Variants in PIAS1 observed in about 807,000 individuals in gnomAD.
PIAS1 encodes protein inhibitor of activated STAT 1.
In PIAS1, 6 loss-of-function variants were observed where a neutral mutation model predicts 71.3. The observed-to-expected ratio is 0.08, with a 90% confidence interval of 0.05 to 0.17. The LOEUF is 0.17. Ranked by LOEUF, PIAS1 falls within the 10% of genes least tolerant of loss-of-function variation. PIAS1 has a pLI of 1.00. For synonymous variants in PIAS1, 303 were observed against 292.9 expected (o/e 1.03, Z -0.35); for missense variants, 555 against 793.6 (o/e 0.70, Z 3.61).
At chr15:68,166,110 C>A (rs2092956349) in intron 8 of PIAS1, among the ~76,000 whole-genome samples, 1 of 152,020 alleles carries the variant, frequency 6.6e-6, no homozygotes, top group African/African-American at 2.4e-5. Flanking sequence ...GAAAAAAATA[C>A]AATGAAGTTA....
chr15:68,181,584 A>C (rs1325882972), intron 12 of PIAS1: 1 of 433,266 alleles, frequency 2.3e-6, no homozygotes, highest in Non-Finnish European at 4.2e-6. Flanking sequence ...CTAGTGCAAT[A>C]ATCTTTAGTT....
chr15:68,074,080 G>A (rs2092130329), intron 1 of PIAS1, among the ~76,000 whole-genome samples: 1 of 152,164 alleles, frequency 6.6e-6, no homozygotes, highest in Non-Finnish European at 1.5e-5. Context: ...ATGTTGAGTT[G>A]ATGACTCTTG....
intron 11 of PIAS1, among the ~76,000 whole-genome samples, chr15:68,180,027 G>T (rs2093044259): frequency 6.6e-6 from 1 of 151,966 alleles, no homozygotes; most frequent in Non-Finnish European, 1.5e-5. Context: ...GTATTGTTGG[G>T]GTAACATATA....
At chr15:68,122,451 A>G (rs989349149) in intron 2 of PIAS1, among the ~76,000 whole-genome samples, 8 of 152,200 alleles carry the variant, frequency 5.3e-5, no homozygotes, top group African/African-American at 1.9e-4. Flanking sequence ...GGTGGCAACT[A>G]TTGGATGGTT....
chr15:68,061,620 C>G (rs1288833455), intron 1 of PIAS1, among the ~76,000 whole-genome samples: 1 of 152,170 alleles, frequency 6.6e-6, no homozygotes, highest in East Asian at 1.9e-4. Context: ...GTAAACGTTC[C>G]TATTTTTGAA....
At chr15:68,182,490 C>CGCGTGTGTGTGTGT (rs1555434694) in intron 12 of PIAS1, among the ~76,000 whole-genome samples, 1 of 123,280 alleles carries the variant, frequency 8.1e-6, no homozygotes. Context: ...GCTCAGGCTG[C>CGCGTGTGTGTGTGT]GTGTGTGTGT....
chr15:68,060,355 G>A (rs561703731), intron 1 of PIAS1, among the ~76,000 whole-genome samples: 5 of 152,130 alleles, frequency 3.3e-5, no homozygotes, highest in East Asian at 1.9e-4. Context: ...ATTGCCAGAC[G>A]TGGTAATCCC....
chr15:68,079,552 G>A (rs531070065), intron 1 of PIAS1, among the ~76,000 whole-genome samples: 45 of 151,960 alleles, frequency 3.0e-4, no homozygotes, highest in Non-Finnish European at 5.6e-4. Context: ...CCACAGCCTC[G>A]AACTCCTGGG....
intron 8 of PIAS1, among the ~76,000 whole-genome samples, chr15:68,172,715 C>T (rs2092999206): frequency 6.6e-6 from 1 of 152,180 alleles, no homozygotes; most frequent in Non-Finnish European, 1.5e-5. Flanking sequence ...AGCTGGCTTC[C>T]AGGGAATGAG....
intron 6 of PIAS1, among the ~76,000 whole-genome samples, chr15:68,149,989 T>G (rs900159628): frequency 6.6e-6 from 1 of 152,178 alleles, no homozygotes; most frequent in Non-Finnish European, 1.5e-5. Flanking sequence ...ATCAATGATG[T>G]ATTTCTATAT....
intron 2 of PIAS1, among the ~76,000 whole-genome samples, chr15:68,103,447 A>G (rs1229138826): frequency 6.6e-6 from 1 of 151,846 alleles, no homozygotes; most frequent in Non-Finnish European, 1.5e-5. Flanking sequence ...GTTTTAAAAT[A>G]GCTTTATTGA....
intron 2 of PIAS1, among the ~76,000 whole-genome samples, chr15:68,094,655 C>T (rs146614847): frequency 6.6e-6 from 1 of 152,100 alleles, no homozygotes; most frequent in Non-Finnish European, 1.5e-5. Context: ...GATACAAATT[C>T]AAGGACGCAG....
Position 68,189,911 on chromosome 15 carries a change from A to C in PIAS1, c.*2076A>C, listed in dbSNP as rs985602502. 1.2e-4 allele frequency: 19 copies of C among 152,140 alleles called. No homozygotes were observed. Among genetic ancestry groups the C allele is most frequent in the African/African-American group, 4.4e-4 (18 of 41,364 alleles). The allele number at this position is 152,140 out of a possible 1,614,324, so 9.4% of individuals were successfully genotyped here. On this transcript the variant is annotated 3_prime_UTR_variant, in exon 14 of 14. Transcript: ENST00000249636. ...TTTGTGTCTAAATTTCTGTTGGGGT[A>C]GAAATTACTAAAATTGTGGGGAGTT...
chr15:68,153,303 C>T (rs1177762204), intron 6 of PIAS1, among the ~76,000 whole-genome samples: 1 of 152,002 alleles, frequency 6.6e-6, no homozygotes, highest in Non-Finnish European at 1.5e-5. Context: ...CAAGACAGAC[C>T]TGGGTTTAAA....
chr15:68,173,723 T>A lies in PIAS1; in HGVS notation c.1009-9T>A. On this transcript the variant is annotated splice_polypyrimidine_tract_variant and intron_variant, in intron 8 of 13. Coordinates refer to ENST00000249636, the MANE Select transcript of PIAS1 (RefSeq NM_016166.3). This position sits in a 1 kb window ranked among gnomAD's most constrained non-coding sequence, Gnocchi z 4.3. ...TTATCTAATATTTACTTTTTCTCCC[T>A]TTTTAAAGCTTGGTAAAATGCGGCT... 1 of 1,508,710 alleles carries A rather than the reference T, an allele frequency of 6.6e-7. No homozygotes were observed. The highest frequency in any genetic ancestry group is 8.9e-7 in the Non-Finnish European group (1 of 1,118,258). The allele number at this position is 1,508,710 out of a possible 1,614,324, so 93.5% of individuals were successfully genotyped here.
intron 6 of PIAS1, among the ~76,000 whole-genome samples, chr15:68,153,308 T>C (rs910044197): frequency 6.6e-6 from 1 of 152,102 alleles, no homozygotes; most frequent in African/African-American, 2.4e-5. Context: ...CAGACCTGGG[T>C]TTAAATTCTA....
rs945040231 is a variant in PIAS1 at position 68,133,484 on chromosome 15, A to C, written c.470-8462A>C. Among the ~76,000 whole-genome samples, 8 of 152,116 alleles carry C rather than the reference A, an allele frequency of 5.3e-5. No homozygotes were observed. The East Asian group carries it at 1.2e-3, about 22-fold the overall frequency. On this transcript the variant is annotated intron_variant, in intron 2 of 13. Coordinates refer to ENST00000249636, the MANE Select transcript of PIAS1 (RefSeq NM_016166.3). ...CTAACTATAAGATAATGAAACAGTGAAGCTATAACAAAAAATAGAGTACCA... is the reference window on the plus strand; with the variant it reads ...CTAACTATAAGATAATGAAACAGTGCAGCTATAACAAAAAATAGAGTACCA...
At chr15:68,170,031 G>A (rs1447769935) in intron 8 of PIAS1, among the ~76,000 whole-genome samples, 4 of 152,144 alleles carry the variant, frequency 2.6e-5, no homozygotes, top group Admixed American at 1.3e-4. Flanking sequence ...CCTTCCATGA[G>A]TGGTGCCTCC....
At chr15:68,097,454 C>T (rs139842877) in intron 2 of PIAS1, among the ~76,000 whole-genome samples, 183 of 151,948 alleles carry the variant, frequency 1.2e-3, no homozygotes, top group Middle Eastern at 3.4e-3. Context: ...ATTTTTGAGA[C>T]GGAGTTTTAC....
Sources: gnomAD v4.1 joint callset for allele counts (sites outside exome capture counted in the v4.1 genomes callset) on GRCh38, gnomAD v4.1.1 for gene constraint, Gnocchi (gnomAD v3.1) non-coding constraint, MANE v1.5 for transcripts, NCBI Gene and HGNC (gene_info 2026-07-23, HGNC 2026-07-21) for gene names.